CAST: variants seen among roughly 807,000 people sequenced by gnomAD.
CAST encodes the protein calpastatin, also known as MIR583 host.
CAST carries 76 observed loss-of-function variants against 119.6 expected under a neutral mutation model. That is an observed-to-expected ratio of 0.64 (90% CI 0.53 to 0.77). The LOEUF is 0.77. Ranked by LOEUF, CAST falls within the 30% of genes least tolerant of loss-of-function variation. CAST has a pLI of 0.00. For synonymous variants in CAST, 319 were observed against 331.6 expected (o/e 0.96, Z 0.41); for missense variants, 953 against 946.5 (o/e 1.01, Z -0.09).
chr5:96,574,661 T>C (rs1306330597), intron 1 of CAST, among the ~76,000 whole-genome samples: 2 of 150,726 alleles, frequency 1.3e-5, no homozygotes, highest in Non-Finnish European at 1.5e-5. Flanking sequence ...TTTTGTAATT[T>C]TACATTTTAC....
At chr5:96,648,909 A>G (rs1748057923) in intron 1 of CAST, among the ~76,000 whole-genome samples, 1 of 151,908 alleles carries the variant, frequency 6.6e-6, no homozygotes, top group Non-Finnish European at 1.5e-5. Flanking sequence ...CATCTTGCTC[A>G]CAGATCTACC....
upstream of CAST, chr5:96,662,183 G>C (rs1042850053): frequency 1.6e-5 from 7 of 433,324 alleles, no homozygotes; most frequent in African/African-American, 2.1e-5. Flanking sequence ...CCGGGGCGGA[G>C]GGTGTTAAGT....
the CAST span, among the ~76,000 whole-genome samples, chr5:96,346,407 A>C: frequency 1.3e-5 from 2 of 152,158 alleles, no homozygotes; most frequent in Non-Finnish European, 2.9e-5. Context: ...TGGATCAGAT[A>C]ATGGATTTGG....
At chr5:96,701,527 C>T (rs940865012) in intron 3 of CAST, among the ~76,000 whole-genome samples, 2 of 151,928 alleles carry the variant, frequency 1.3e-5, no homozygotes, top group African/African-American at 2.4e-5. Context: ...ATTCTAAGTC[C>T]GGGTGCATGG....
the CAST span, among the ~76,000 whole-genome samples, chr5:96,320,658 T>C: frequency 6.6e-6 from 1 of 152,166 alleles, no homozygotes; most frequent in South Asian, 2.1e-4. Context: ...AAATTCAAGA[T>C]TGAATAAGAA....
the CAST span, among the ~76,000 whole-genome samples, chr5:96,490,354 CTGTGTGTG>C: frequency 7.0e-4 from 105 of 149,618 alleles, no homozygotes; most frequent in African/African-American, 2.3e-3. Context: ...ATGTGTGTGT[CTGTGTGTG>C]TGTGTGTGTG....
chr5:96,498,399 A>G, the CAST span, among the ~76,000 whole-genome samples: 3 of 152,338 alleles, frequency 2.0e-5, no homozygotes, highest in Non-Finnish European at 4.4e-5. Flanking sequence ...TTCTGTGAAG[A>G]AAGTCATTGG....
At chr5:96,026,978 A>G in the CAST span, among the ~76,000 whole-genome samples, 4 of 152,112 alleles carry the variant, frequency 2.6e-5, no homozygotes, top group African/African-American at 9.7e-5. Context: ...GGAGACTGAG[A>G]AGCAGGAGGA....
intron 1 of CAST, among the ~76,000 whole-genome samples, chr5:96,533,674 C>G (rs543651636): frequency 2.0e-5 from 3 of 152,092 alleles, no homozygotes; most frequent in Admixed American, 1.3e-4. Flanking sequence ...TAGAAAAAAA[C>G]AAAATGCCAC....
At chr5:96,192,354 G>A in the CAST span, among the ~76,000 whole-genome samples, 1 of 152,148 alleles carries the variant, frequency 6.6e-6, no homozygotes, top group African/African-American at 2.4e-5. Context: ...AAAGATTAAT[G>A]CATTAAGATG....
At chr5:96,555,343 G>A (rs561702975) in intron 1 of CAST, among the ~76,000 whole-genome samples, 13 of 152,196 alleles carry the variant, frequency 8.5e-5, no homozygotes, top group Middle Eastern at 3.2e-3. Flanking sequence ...ACTGAGGTAC[G>A]TGTTCATCTC....
chr5:96,284,120 T>G, the CAST span, among the ~76,000 whole-genome samples: 3 of 152,134 alleles, frequency 2.0e-5, no homozygotes, highest in Non-Finnish European at 1.5e-5. Flanking sequence ...ACTGTATGTT[T>G]CACAGAGGAA....
the CAST span, among the ~76,000 whole-genome samples, chr5:96,447,929 C>T: frequency 1.3e-5 from 2 of 151,930 alleles, no homozygotes; most frequent in South Asian, 4.2e-4. Flanking sequence ...AAAACCTGCC[C>T]TGCTAGAACA....
intron 1 of CAST, among the ~76,000 whole-genome samples, chr5:96,548,365 A>G (rs1286541040): frequency 6.6e-6 from 1 of 152,152 alleles, no homozygotes; most frequent in Non-Finnish European, 1.5e-5. Context: ...ATAGCTACAG[A>G]CTTTTTAATA....
the CAST span, among the ~76,000 whole-genome samples, chr5:96,321,346 C>A: frequency 3.3e-5 from 5 of 152,210 alleles, no homozygotes; most frequent in African/African-American, 4.8e-5. Flanking sequence ...GTGTCTCCTG[C>A]CTGAGGCAGT....
chr5:96,046,547 G>T, the CAST span, among the ~76,000 whole-genome samples: 409 of 152,294 alleles, frequency 2.7e-3, 1 homozygote, highest in African/African-American at 9.5e-3. Flanking sequence ...CCCTAAGTGT[G>T]TTAAGACTTC....
the CAST span, among the ~76,000 whole-genome samples, chr5:96,416,661 C>A: frequency 2.0e-5 from 3 of 152,128 alleles, no homozygotes; most frequent in Non-Finnish European, 4.4e-5. Flanking sequence ...TAAATATATG[C>A]CACACTAAAA....
chr5:96,172,973 G>C, the CAST span, among the ~76,000 whole-genome samples: 1 of 152,304 alleles, frequency 6.6e-6, no homozygotes, highest in South Asian at 2.1e-4. Flanking sequence ...ATGCCACTAT[G>C]CTCATGAGAA....
the CAST span, among the ~76,000 whole-genome samples, chr5:96,515,662 C>T: frequency 1.3e-5 from 2 of 152,252 alleles, no homozygotes; most frequent in Admixed American, 6.5e-5. Context: ...CCCAGGCTCC[C>T]TTGCCTTCTG....
Sources: allele counts gnomAD v4.1 joint callset (sites outside exome capture counted in the v4.1 genomes callset), GRCh38; gene constraint gnomAD v4.1.1; transcripts MANE v1.5; gene names NCBI Gene and HGNC (gene_info 2026-07-23, HGNC 2026-07-21).